Variants in ZSWIM8 observed in about 807,000 individuals in gnomAD.
ZSWIM8 encodes zinc finger SWIM-type containing 8.
A neutral mutation model predicts 173.7 loss-of-function variants in ZSWIM8; 27 were observed. That is an observed-to-expected ratio of 0.16 (90% CI 0.11 to 0.21). The LOEUF (loss-of-function observed/expected upper bound fraction) is 0.21, where lower values mean the gene tolerates loss of function less well. ZSWIM8 is among the 10% of genes least tolerant of loss of function. The pLI, the probability that ZSWIM8 is intolerant of heterozygous loss-of-function variation, is 1.00. For missense variants in ZSWIM8, 1,627 were observed against 2,428.8 expected, an observed-to-expected ratio of 0.67 and a Z score of 6.94; for synonymous variants, 958 against 962.0, an observed-to-expected ratio of 1.00 and a Z score of 0.08.
intron 21 of ZSWIM8, 156 bp downstream of exon 21, chr10:73,799,646 G>C: frequency 9.3e-7 from 1 of 1,070,192 alleles, no homozygotes; most frequent in Non-Finnish European, 1.4e-6. Context: ...AATAAGAAAT[G>C]ACGGCCGGGC....
In ZSWIM8 at chr10:73,791,227, C is replaced by G. The variant is rs1198007838; in HGVS notation, c.1143+51C>G. The G allele has an allele frequency of 3.8e-6, 6 of 1,567,460 alleles. No individual in the cohort carries two copies. In the Admixed American group the frequency reaches 8.7e-5, roughly 23 times the overall value. ...CGTGGTAGCTCATTCTTTCCCTCCC[C>G]CTGCCTCATCCTCCTCTTGCTGAAA... On this transcript the variant is annotated intron_variant, in intron 8 of 25. Transcript: ENST00000604729. This position sits in a 1 kb window ranked among gnomAD's most constrained non-coding sequence, Gnocchi z 6.0.
Position 73,792,232 on chromosome 10 carries a change from C to T in ZSWIM8, c.1693C>T (p.Arg565Cys), listed in dbSNP as rs544954588. The T allele has an allele frequency of 5.9e-5, 92 of 1,558,578 alleles. No individual in the cohort carries two copies. The highest frequency in any genetic ancestry group is 7.1e-5 in the Non-Finnish European group (82 of 1,151,720). The change falls in exon 10 of 26, where the codon CGC becomes TGC. Residue 565 changes from arginine to cysteine, a missense_variant. Physicochemically the swap from Arg to Cys is radical, Grantham distance 180. Around this residue, in one of 18 missense-constraint regions of ZSWIM8, gnomAD observed 383 missense variants for 394.8 expected, o/e 0.97. Coordinates refer to ENST00000604729, the MANE Select transcript of ZSWIM8 (RefSeq NM_001367799.1). This position sits in a 1 kb window ranked among gnomAD's most constrained non-coding sequence, Gnocchi z 4.3. ...CCCCTCATCACAGCGGGGTCCCCGCCGCCTCTCAGCTGAAGGGGGAGATAA... is the reference window on the plus strand; with the variant it reads ...CCCCTCATCACAGCGGGGTCCCCGCTGCCTCTCAGCTGAAGGGGGAGATAA... ...GVPSSQRGPR[R>C]LSAEGGDKAL...
rs777538704 is a variant in ZSWIM8 at position 73,792,104 on chromosome 10, G to A, written c.1565G>A (p.Gly522Glu). Reference protein sequence around the residue: ...LPSRPGASRSGGLEESRDRPR... With the variant: ...LPSRPGASRSEGLEESRDRPR... The stretch of plus-strand genomic sequence containing the variant: ...TCTCGGCCAGGTGCCTCCCGCTCTG[G>A]GGGCCTGGAGGAATCCCGGGACCGG... The change falls in exon 10 of 26, where the codon GGG becomes GAG. Residue 522 changes from glycine to glutamate, a missense_variant. This residue lies in a region of ZSWIM8 where 383 missense variants were observed against 394.8 expected (regional missense o/e 0.97). Coordinates refer to ENST00000604729, the MANE Select transcript of ZSWIM8 (RefSeq NM_001367799.1). The surrounding 1 kb of genome is among the most constrained non-coding windows in gnomAD (Gnocchi z 4.3). 6.5e-7 allele frequency: 1 copy of A among 1,530,386 alleles called. No homozygotes were observed. The highest frequency in any genetic ancestry group is 2.4e-5 in the East Asian group (1 of 41,366). The allele number at this position is 1,530,386 out of a possible 1,614,324, so 94.8% of individuals were successfully genotyped here.
At chr10:73,788,124 T>C (rs1162066458) in intron 1 of ZSWIM8, among the ~76,000 whole-genome samples, 1 of 152,090 alleles carries the variant, frequency 6.6e-6, no homozygotes, top group Non-Finnish European at 1.5e-5. Context: ...GAAGTTGTCA[T>C]TTAGGCGCGC....
In ZSWIM8 at chr10:73,797,464, C is replaced by T. The variant is rs933050583; in HGVS notation, c.3521C>T (p.Ala1174Val). ...LSRRPLRGGW[A>V]PTSWGRGQDS... Reference sequence around the variant, plus strand: ...CGGAGACCACTTCGAGGGGGCTGGGCCCCCACCTCCTGGGGTCGAGGTCAG... The same window carrying T: ...CGGAGACCACTTCGAGGGGGCTGGGTCCCCACCTCCTGGGGTCGAGGTCAG... Residue 1174 changes from alanine (A) to valine (V), a missense_variant, in exon 18 of 26, where the codon GCC becomes GTC. Coordinates refer to ENST00000604729, the MANE Select transcript of ZSWIM8 (RefSeq NM_001367799.1). This position sits in a 1 kb window ranked among gnomAD's most constrained non-coding sequence, Gnocchi z 5.6. 6.2e-7 allele frequency: 1 copy of T among 1,613,956 alleles called. No homozygotes were observed.
Position 73,800,042 on chromosome 10 carries a change from A to G in ZSWIM8, c.4697A>G (p.Tyr1566Cys). Residue 1566 changes from tyrosine to cysteine, a missense_variant, in exon 22 of 26, where the codon TAC becomes TGC. Transcript: ENST00000604729. This position sits in a 1 kb window ranked among gnomAD's most constrained non-coding sequence, Gnocchi z 4.1. The part of the protein sequence containing the change: ...GVHPAFLGAQ[Y>C]PYSVTPPSLA... The stretch of plus-strand genomic sequence containing the variant: ...CATCCTGCATTCCTAGGGGCTCAGT[A>G]CCCTTATTCAGTGACTCCTCCCTCA... 2 of 1,613,638 alleles carry G rather than the reference A, an allele frequency of 1.2e-6. No homozygotes were observed. Among genetic ancestry groups the G allele is most frequent in the Non-Finnish European group, 1.7e-6 (2 of 1,179,770 alleles).
At chr10:73,793,155 C>T (rs1258867676) in intron 10 of ZSWIM8, among the ~76,000 whole-genome samples, 1 of 152,190 alleles carries the variant, frequency 6.6e-6, no homozygotes, top group African/African-American at 2.4e-5. Flanking sequence ...CCTGCTTTGC[C>T]AGCCTCACTT....
chr10:73,791,359 C>T lies in ZSWIM8; in HGVS notation c.1179C>T (p.Ala393=), dbSNP rs1459671661. 1 of 1,613,056 alleles carries T rather than the reference C, an allele frequency of 6.2e-7. No homozygotes were observed. The highest frequency in any genetic ancestry group is 1.3e-5 in the African/African-American group (1 of 74,924). ...TGWWYSVRTS[A]SHSSASGHTG... is the part of the protein sequence containing the mutation. ...GGTGGTATAGCGTACGTACCTCAGC[C>T]TCACACAGCAGTGCCAGTGGGCACA... Residue 393 remains alanine (A), a synonymous_variant, in exon 9 of 26, where the codon GCC becomes GCT. Transcript: ENST00000604729. This position sits in a 1 kb window ranked among gnomAD's most constrained non-coding sequence, Gnocchi z 6.0.
At chr10:73,790,690 AAAAC>A (rs2083386366) in intron 7 of ZSWIM8, among the ~76,000 whole-genome samples, 1 of 152,108 alleles carries the variant, frequency 6.6e-6, no homozygotes, top group African/African-American at 2.4e-5. Context: ...CTCTACTAAA[AAAAC>A]AAAAATTAGC....
At position 73,786,356 on chromosome 10, in the gene ZSWIM8, G is replaced by A. The variant is rs540431724; in HGVS notation, c.208+270G>A. 1.1e-4 allele frequency: 43 copies of A among 375,664 alleles called. No individual in the cohort carries two copies. The East Asian group carries it at 1.6e-3, about 14-fold the overall frequency. The allele number at this position is 375,664 out of a possible 1,614,324, so 23.3% of individuals were successfully genotyped here. ...TGTGTGTGTGTGTGTGCGCGCGCGC[G>A]CGTGCGCGCGCTGTGACAGGGAGAT... On this transcript the variant is annotated intron_variant, in intron 1 of 25. Coordinates refer to ENST00000604729, the MANE Select transcript of ZSWIM8 (RefSeq NM_001367799.1).
chr10:73,792,249 G>C lies in ZSWIM8; in HGVS notation c.1710G>C (p.Gly570=). The C allele has an allele frequency of 1.3e-6, 2 of 1,575,176 alleles. No homozygotes were observed. The highest frequency in any genetic ancestry group is 1.7e-6 in the Non-Finnish European group (2 of 1,159,158). Residue 570 remains glycine, a synonymous_variant, in exon 10 of 26, where the codon GGG becomes GGC. Transcript: ENST00000604729. The surrounding 1 kb of genome is among the most constrained non-coding windows in gnomAD (Gnocchi z 4.3). ...GTCCCCGCCGCCTCTCAGCTGAAGGGGGAGATAAAGCTCTACATAAGATGG... is the reference window on the plus strand; with the variant it reads ...GTCCCCGCCGCCTCTCAGCTGAAGGCGGAGATAAAGCTCTACATAAGATGG... ...QRGPRRLSAE[G]GDKALHKMGP...
rs747609213 is a variant in ZSWIM8, at chr10:73,791,936, A to C, written c.1397A>C (p.Lys466Thr). 8 of 1,551,874 alleles carry C rather than the reference A, an allele frequency of 5.2e-6. No homozygotes were observed. Among genetic ancestry groups the C allele is most frequent in the Non-Finnish European group, 7.0e-6 (8 of 1,147,258 alleles). The change falls in exon 10 of 26, where the codon AAG becomes ACG. Residue 466 changes from lysine (K) to threonine (T), a missense_variant. By Grantham distance (78) the Lys-to-Thr change is moderately conservative. Coordinates refer to ENST00000604729, the MANE Select transcript of ZSWIM8 (RefSeq NM_001367799.1). This position sits in a 1 kb window ranked among gnomAD's most constrained non-coding sequence, Gnocchi z 6.0. ...IENVKRGQHK[K>T]TLERLFPGFR... Reference sequence around the variant, plus strand: ...AACGTCAAGCGGGGCCAACACAAGAAGACGCTGGAGCGGCTCTTCCCCGGC... The same window carrying C: ...AACGTCAAGCGGGGCCAACACAAGACGACGCTGGAGCGGCTCTTCCCCGGC...
chr10:73,799,512 G>A, intron 21 of ZSWIM8, 22 bp downstream of exon 21: 1 of 1,590,032 alleles, frequency 6.3e-7, no homozygotes, highest in Non-Finnish European at 8.6e-7. Context: ...GTTCTGCTGG[G>A]GGGTAAGGCA....
chr10:73,795,889 G>GGAGTTTGAGGC (rs2083619515), intron 15 of ZSWIM8, among the ~76,000 whole-genome samples: 4 of 148,468 alleles, frequency 2.7e-5, no homozygotes, highest in East Asian at 4.1e-4. Context: ...CTTGAACCCA[G>GGAGTTTGAGGC]TAGGCAGAGG....
chr10:73,793,852 C>CT lies in ZSWIM8; in HGVS notation c.2446-11dup. 6.3e-7 allele frequency: 1 copy of CT among 1,595,748 alleles called. No homozygotes were observed. Among genetic ancestry groups the CT allele is most frequent in the Non-Finnish European group, 8.5e-7 (1 of 1,172,646 alleles). The stretch of plus-strand genomic sequence containing the variant: ...AATCATCTGCCTGTCTCCTGTGTTT[C>CT]TTCCCTTTCTAGGGCAAGAAGAACA... On this transcript the variant is annotated splice_polypyrimidine_tract_variant and intron_variant, in intron 11 of 25. Transcript: ENST00000604729.
At position 73,789,964 on chromosome 10, in the gene ZSWIM8, C is replaced by T; in HGVS notation, c.747C>T (p.Pro249=). 1 of 1,613,184 alleles carries T rather than the reference C, an allele frequency of 6.2e-7. No homozygotes were observed. Among genetic ancestry groups the T allele is most frequent in the South Asian group, 1.1e-5 (1 of 90,816 alleles). The part of the protein sequence containing the change: ...LISELPQQIL[P]TAQRLLDELL... ...GTCTCTTTCTCCCTCAGATCCTCCC[C>T]ACAGCTCAGCGTCTCCTGGACGAAC... The change falls in exon 6 of 26, where the codon CCC becomes CCT. Residue 249 remains proline, a synonymous_variant. Coordinates refer to ENST00000604729, the MANE Select transcript of ZSWIM8 (RefSeq NM_001367799.1). The surrounding 1 kb of genome is among the most constrained non-coding windows in gnomAD (Gnocchi z 6.8).
chr10:73,800,267 G>T lies in ZSWIM8; in HGVS notation c.4826-29G>T, dbSNP rs753278975. ...TTCTTTGTCTCTCTTTGGGCTCTGAGTTCCTCACATGGCTCTCACCCCACT... is the reference window on the plus strand; with the variant it reads ...TTCTTTGTCTCTCTTTGGGCTCTGATTTCCTCACATGGCTCTCACCCCACT... On this transcript the variant is annotated intron_variant, in intron 22 of 25. Transcript: ENST00000604729. The surrounding 1 kb of genome is among the most constrained non-coding windows in gnomAD (Gnocchi z 4.1). 6.8e-6 allele frequency: 11 copies of T among 1,612,502 alleles called. No individual in the cohort carries two copies. Among genetic ancestry groups the T allele is most frequent in the Non-Finnish European group, 3.4e-6 (4 of 1,178,930 alleles).
chr10:73,790,912 C>T, intron 7 of ZSWIM8, 63 bp from the exon 8 acceptor site: 3 of 1,460,562 alleles, frequency 2.1e-6, no homozygotes, highest in Non-Finnish European at 2.8e-6. Flanking sequence ...GGGCCGGAAG[C>T]CCTTTTAGGT....
Position 73,794,188 on chromosome 10 carries a change from C to T in ZSWIM8, c.2667C>T (p.Leu889=), listed in dbSNP as rs761311810. 6.8e-6 allele frequency: 11 copies of T among 1,613,910 alleles called. No individual in the cohort carries two copies. In the African/African-American group the frequency reaches 1.2e-4, roughly 18 times the overall value. The change falls in exon 13 of 26, where the codon CTC becomes CTT. Residue 889 remains leucine, a synonymous_variant. Transcript: ENST00000604729. The stretch of plus-strand genomic sequence containing the variant: ...AGGAGTCTGAGGTGGCTGCCCTGCT[C>T]AAGAAGATCCCTCTGGGTCCAAGTG... ...AYQESEVAAL[L]KKIPLGPSEM...
Sources: allele counts gnomAD v4.1 joint callset (sites outside exome capture counted in the v4.1 genomes callset), GRCh38; gene constraint gnomAD v4.1.1; regional missense constraint gnomAD v4.1.1; non-coding constraint Gnocchi (gnomAD v3.1); transcripts MANE v1.5; gene names NCBI Gene and HGNC (gene_info 2026-07-23, HGNC 2026-07-21).